ZPBP: variants seen among roughly 807,000 people sequenced by gnomAD.
The protein encoded by ZPBP is zona pellucida binding protein, also known as zona pellucida-binding protein 1.
A neutral mutation model predicts 44.8 loss-of-function variants in ZPBP; 26 were observed. The ratio of observed to expected loss-of-function variants is 0.58; its 90% CI spans 0.43 to 0.81. The LOEUF (loss-of-function observed/expected upper bound fraction) is 0.81, where lower values mean the gene tolerates loss of function less well. ZPBP is among the 30% of genes least tolerant of loss of function. The probability of loss-of-function intolerance (pLI) is 0.00; values close to 1 mark genes in which losing one functional copy is unlikely to be tolerated. For missense variants in ZPBP, 409 were observed against 434.0 expected (o/e 0.94, Z 0.51); for synonymous variants, 174 against 153.2 (o/e 1.14, Z -1.00).
chr7:50,061,109 C>A (rs1471354511), intron 3 of ZPBP, among the ~76,000 whole-genome samples: 1 of 152,106 alleles, frequency 6.6e-6, no homozygotes, highest in Admixed American at 6.5e-5. Context: ...TGAAATTCAA[C>A]CTCCCTTTAT....
intron 6 of ZPBP, among the ~76,000 whole-genome samples, chr7:50,004,901 A>C (rs1450949809): frequency 4.6e-5 from 7 of 152,050 alleles, no homozygotes; most frequent in Admixed American, 4.6e-4. Context: ...AATGGCTGAA[A>C]ATTTTCCAAA....
intron 2 of ZPBP, among the ~76,000 whole-genome samples, chr7:49,872,175 A>G (rs1791187290): frequency 6.6e-6 from 1 of 152,180 alleles, no homozygotes; most frequent in African/African-American, 2.4e-5. Flanking sequence ...ATTGAAACTA[A>G]AAATCCAGTT....
chr7:50,060,331 T>G (rs1188396818), intron 3 of ZPBP, among the ~76,000 whole-genome samples: 1 of 151,828 alleles, frequency 6.6e-6, no homozygotes, highest in Non-Finnish European at 1.5e-5. Flanking sequence ...CTGAACAAAA[T>G]GGTGACACAA....
chr7:49,957,549 T>C (rs1795663503), intron 7 of ZPBP, among the ~76,000 whole-genome samples: 1 of 152,150 alleles, frequency 6.6e-6, no homozygotes. Flanking sequence ...AGTCACTGAT[T>C]GTAAGAATAC....
At chr7:49,879,774 G>C (rs1791592781) in intron 2 of ZPBP, among the ~76,000 whole-genome samples, 1 of 151,736 alleles carries the variant, frequency 6.6e-6, no homozygotes, top group South Asian at 2.1e-4. Context: ...TGCTATCTTG[G>C]CTAATTTTAT....
At chr7:49,953,020 G>A (rs1404798635) in intron 7 of ZPBP, among the ~76,000 whole-genome samples, 1 of 152,076 alleles carries the variant, frequency 6.6e-6, no homozygotes, top group African/African-American at 2.4e-5. Context: ...ACAAGGAACT[G>A]TAACTCTTTG....
chr7:50,063,958 T>G (rs953336964), intron 3 of ZPBP, among the ~76,000 whole-genome samples: 1 of 152,210 alleles, frequency 6.6e-6, no homozygotes, highest in African/African-American at 2.4e-5. Flanking sequence ...TGCACCCACA[T>G]AGCTGGCCTA....
chr7:50,015,567 T>C (rs1027821375), intron 6 of ZPBP, among the ~76,000 whole-genome samples: 2 of 152,078 alleles, frequency 1.3e-5, no homozygotes, highest in Non-Finnish European at 2.9e-5. Context: ...TGGGACCTAA[T>C]TAAACTAAAG....
chr7:49,960,248 C>T (rs539643391), intron 7 of ZPBP, among the ~76,000 whole-genome samples: 6 of 152,006 alleles, frequency 3.9e-5, no homozygotes, highest in Admixed American at 2.6e-4. Flanking sequence ...GGTGAAAGCT[C>T]GTCTCTACTA....
intron 1 of ZPBP, among the ~76,000 whole-genome samples, chr7:49,923,561 C>T (rs1371900449): frequency 4.6e-5 from 7 of 152,180 alleles, no homozygotes; most frequent in Admixed American, 1.3e-4. Flanking sequence ...ATTCCCTCAC[C>T]GTGTCTACTG....
intron 2 of ZPBP, among the ~76,000 whole-genome samples, chr7:49,864,215 G>T (rs1790788373): frequency 6.6e-6 from 1 of 152,146 alleles, no homozygotes. Context: ...TTTTCCAAAG[G>T]TTTCCTTGAA....
At chr7:49,907,909 T>C (rs1276154111) in intron 1 of ZPBP, among the ~76,000 whole-genome samples, 1 of 152,152 alleles carries the variant, frequency 6.6e-6, no homozygotes, top group Non-Finnish European at 1.5e-5. Flanking sequence ...AGTAGCACGC[T>C]TCAGAGCTCT....
chr7:49,986,678 C>A (rs2128784603), intron 6 of ZPBP, among the ~76,000 whole-genome samples: 1 of 152,066 alleles, frequency 6.6e-6, no homozygotes, highest in South Asian at 2.1e-4. Context: ...AACTTTTATG[C>A]AAAAGGCTTT....
intron 7 of ZPBP, chr7:49,942,318 T>C (rs1794922929): frequency 4.5e-6 from 1 of 222,202 alleles, no homozygotes; most frequent in Non-Finnish European, 8.9e-6. Flanking sequence ...TTGTTCCCGC[T>C]TGTATTTTTC....
intron 7 of ZPBP, among the ~76,000 whole-genome samples, chr7:49,970,198 C>T (rs1306180243): frequency 1.3e-5 from 2 of 152,092 alleles, no homozygotes; most frequent in Non-Finnish European, 2.9e-5. Flanking sequence ...AAATAATGAT[C>T]TCAATAGATG....
rs569639713 is a variant in ZPBP at position 50,086,008 on chromosome 7, G to C, written c.208+3621C>G. ...GGTAGAGTTGCCAACTATCTGAAAG[G>C]TACGTCACAACGTGCACAAAGACAC... On this transcript the variant is annotated intron_variant, in intron 2 of 7. Transcript: ENST00000046087. Among the ~76,000 whole-genome samples the C allele has an allele frequency of 2.0e-5, 3 of 152,238 alleles. No homozygotes were observed. The South Asian group carries it at 6.2e-4, about 32-fold the overall frequency.
chr7:50,056,775 C>T (rs1399666108), intron 4 of ZPBP, among the ~76,000 whole-genome samples: 1 of 152,162 alleles, frequency 6.6e-6, no homozygotes, highest in African/African-American at 2.4e-5. Flanking sequence ...TAATTACAAG[C>T]AGCCAGAAAG....
intron 2 of ZPBP, among the ~76,000 whole-genome samples, chr7:49,875,381 A>AAAAAAAAAAC (rs1791364135): frequency 6.7e-6 from 1 of 149,154 alleles, no homozygotes; most frequent in African/African-American, 2.5e-5. Context: ...AAAAAAAAAA[A>AAAAAAAAAAC]AAAAAAAAAA....
chr7:50,046,072 G>T (rs1800342944), intron 4 of ZPBP, among the ~76,000 whole-genome samples: 2 of 152,296 alleles, frequency 1.3e-5, no homozygotes, highest in African/African-American at 4.8e-5. Flanking sequence ...AATAAATGGT[G>T]TTGGGAAAAC....
Sources: gnomAD v4.1 joint callset for allele counts (sites outside exome capture counted in the v4.1 genomes callset) on GRCh38, gnomAD v4.1.1 for gene constraint, MANE v1.5 for transcripts, NCBI Gene and HGNC (gene_info 2026-07-23, HGNC 2026-07-21) for gene names.